Variants in MAPKAP1 observed in about 807,000 individuals in gnomAD.
The protein encoded by MAPKAP1 is target of rapamycin complex 2 subunit MAPKAP1.
MAPKAP1 carries 20 observed loss-of-function variants against 65.7 expected under a neutral mutation model. That is an observed-to-expected ratio of 0.30 (90% confidence interval 0.21 to 0.44). The LOEUF (loss-of-function observed/expected upper bound fraction) is 0.44. MAPKAP1 is among the 20% of genes least tolerant of loss of function. The pLI, the probability that MAPKAP1 is intolerant of heterozygous loss-of-function variation, is 1.00. For synonymous variants in MAPKAP1, 222 were observed against 244.3 expected (o/e 0.91, Z 0.85); for missense variants, 423 against 648.0 (o/e 0.65, Z 3.77).
chr9:125,486,361 G>A (rs1854500738), intron 8 of MAPKAP1, among the ~76,000 whole-genome samples: 1 of 152,128 alleles, frequency 6.6e-6, no homozygotes, highest in Admixed American at 6.5e-5. Flanking sequence ...GGGAGGGGAG[G>A]AGCCTGTCTC....
At chr9:125,698,278 A>AATATAAATAAAT (rs1835452685) in intron 1 of MAPKAP1, among the ~76,000 whole-genome samples, 1 of 26,596 alleles carries the variant, frequency 3.8e-5, no homozygotes, top group Non-Finnish European at 5.8e-5. Flanking sequence ...TATAATACAT[A>AATATAAATAAAT]ATATATATAA....
At chr9:125,667,747 G>GGAA (rs1276486826) in intron 3 of MAPKAP1, among the ~76,000 whole-genome samples, 1 of 152,074 alleles carries the variant, frequency 6.6e-6, no homozygotes, top group Non-Finnish European at 1.5e-5. Flanking sequence ...TTTAAGCTAT[G>GGAA]GAAGTGAAGA....
At chr9:125,682,237 T>C (rs910544967) in intron 1 of MAPKAP1, among the ~76,000 whole-genome samples, 20 of 152,180 alleles carry the variant, frequency 1.3e-4, no homozygotes, top group Non-Finnish European at 2.2e-4. Context: ...ACATAGACTT[T>C]GGTATCAGAA....
intron 4 of MAPKAP1, among the ~76,000 whole-genome samples, chr9:125,640,504 A>C (rs1466473054): frequency 2.0e-5 from 3 of 152,136 alleles, no homozygotes; most frequent in Admixed American, 2.0e-4. Flanking sequence ...GGAGCAAGAC[A>C]AACATTAAAT....
intron 4 of MAPKAP1, among the ~76,000 whole-genome samples, chr9:125,636,969 T>C (rs1482530413): frequency 1.3e-5 from 2 of 152,180 alleles, no homozygotes; most frequent in African/African-American, 4.8e-5. Flanking sequence ...CAATATCTAA[T>C]TAAATTTATT....
chr9:125,699,856 C>T (rs1835543280), intron 1 of MAPKAP1, among the ~76,000 whole-genome samples: 1 of 152,126 alleles, frequency 6.6e-6, no homozygotes, highest in African/African-American at 2.4e-5. Context: ...CTCAAGCAAT[C>T]CACTCATCTT....
At chr9:125,660,032 G>C (rs1205414109) in intron 3 of MAPKAP1, among the ~76,000 whole-genome samples, 1 of 152,090 alleles carries the variant, frequency 6.6e-6, no homozygotes, top group Non-Finnish European at 1.5e-5. Flanking sequence ...TTGGTCCCCA[G>C]GACTCCACTC....
At chr9:125,690,531 T>C (rs1174185502) in intron 1 of MAPKAP1, among the ~76,000 whole-genome samples, 1 of 152,172 alleles carries the variant, frequency 6.6e-6, no homozygotes, top group Non-Finnish European at 1.5e-5. Flanking sequence ...CATCTGTAAA[T>C]GGAAGTAAGT....
chr9:125,622,609 C>T (rs770880537), intron 4 of MAPKAP1, among the ~76,000 whole-genome samples: 3 of 151,920 alleles, frequency 2.0e-5, no homozygotes, highest in Non-Finnish European at 4.4e-5. Context: ...CCATGCCTGG[C>T]TAATTTTTGT....
At chr9:125,703,533 A>G (rs1430510767) in intron 1 of MAPKAP1, among the ~76,000 whole-genome samples, 3 of 152,204 alleles carry the variant, frequency 2.0e-5, no homozygotes, top group African/African-American at 4.8e-5. Flanking sequence ...GCACTTTGAG[A>G]GCCCGAGGCA....
chr9:125,631,807 T>C (rs1218781226), intron 4 of MAPKAP1, among the ~76,000 whole-genome samples: 1 of 152,170 alleles, frequency 6.6e-6, no homozygotes, highest in East Asian at 1.9e-4. Context: ...TTCACCTACC[T>C]AGAAGCCTCC....
At chr9:125,641,706 G>T (rs527651484) in intron 4 of MAPKAP1, among the ~76,000 whole-genome samples, 2 of 150,454 alleles carry the variant, frequency 1.3e-5, no homozygotes, top group Non-Finnish European at 3.0e-5. Flanking sequence ...AGGAGTTCAA[G>T]ACCAGCCTAG....
intron 4 of MAPKAP1, among the ~76,000 whole-genome samples, chr9:125,643,191 C>T (rs1420443421): frequency 3.4e-5 from 5 of 148,490 alleles, no homozygotes; most frequent in Non-Finnish European, 6.0e-5. Flanking sequence ...TGAGCCACCA[C>T]GCCCAGCGTT....
intron 5 of MAPKAP1, among the ~76,000 whole-genome samples, chr9:125,584,886 G>A (rs1026941272): frequency 5.9e-5 from 9 of 152,130 alleles, no homozygotes; most frequent in African/African-American, 9.7e-5. Flanking sequence ...TTATAATGCC[G>A]AGGCATAGAG....
At chr9:125,484,156 G>T (rs751272429) in intron 9 of MAPKAP1, among the ~76,000 whole-genome samples, 2 of 152,196 alleles carry the variant, frequency 1.3e-5, no homozygotes, top group Non-Finnish European at 2.9e-5. Context: ...GCAGGCAAGA[G>T]AATTACAGAA....
Position 125,617,301 on chromosome 9 carries a change from T to A in MAPKAP1, c.499-31574A>T, listed in dbSNP as rs1051863036. 4.0e-5 allele frequency among the ~76,000 whole-genome samples: 6 copies of A among 151,782 alleles called. No homozygotes were observed. In the East Asian group the frequency reaches 9.7e-4, roughly 24 times the overall value. ...AAAAGGAGATCCTGTTGCTACAAAA[T>A]TTTTTTTTAATTAGCCAGGCGTGGT... is the stretch of plus-strand genomic sequence containing the variant. On this transcript the variant is annotated intron_variant, in intron 4 of 11. Coordinates refer to ENST00000265960, the MANE Select transcript of MAPKAP1 (RefSeq NM_001006617.3).
chr9:125,583,046 ACT>A (rs1393903157), intron 5 of MAPKAP1, among the ~76,000 whole-genome samples: 1 of 152,152 alleles, frequency 6.6e-6, no homozygotes, highest in East Asian at 1.9e-4. Context: ...CTCCTAGCAC[ACT>A]CTGCCTGTTT....
At chr9:125,700,354 C>G (rs374166515) in intron 1 of MAPKAP1, among the ~76,000 whole-genome samples, 2 of 152,130 alleles carry the variant, frequency 1.3e-5, no homozygotes, top group African/African-American at 4.8e-5. Flanking sequence ...AAGTTTTACA[C>G]ATTCAGTACA....
chr9:125,614,683 G>A (rs1342353614), intron 4 of MAPKAP1, among the ~76,000 whole-genome samples: 1 of 152,116 alleles, frequency 6.6e-6, no homozygotes, highest in East Asian at 1.9e-4. Flanking sequence ...TCATATGGTA[G>A]TATAGGTAAA....
Sources: allele counts gnomAD v4.1 joint callset (sites outside exome capture counted in the v4.1 genomes callset), GRCh38; gene constraint gnomAD v4.1.1; transcripts MANE v1.5; gene names NCBI Gene and HGNC (gene_info 2026-07-23, HGNC 2026-07-21).